Variants in C6orf89 observed in about 807,000 individuals in gnomAD.
C6orf89 encodes the protein bombesin receptor-activated protein C6orf89.
Under a neutral mutation model 40.7 loss-of-function variants are expected in C6orf89, and 29 were observed. The observed-to-expected ratio is 0.71, with a 90% CI of 0.53 to 0.97. C6orf89 has a LOEUF of 0.97. C6orf89 is among the 50% of genes least tolerant of loss of function. The pLI, the probability that C6orf89 is intolerant of heterozygous loss-of-function variation, is 0.00. For missense variants in C6orf89, 392 were observed against 429.1 expected (o/e 0.91, Z 0.76); for synonymous variants, 165 against 152.2 (o/e 1.08, Z -0.62).
intron 1 of C6orf89, among the ~76,000 whole-genome samples, chr6:36,889,166 A>G (rs935305213): frequency 1.3e-5 from 2 of 152,162 alleles, no homozygotes; most frequent in Non-Finnish European, 2.9e-5. Flanking sequence ...TTAAGGTTTG[A>G]GTACACTTGA....
intron 1 of C6orf89, among the ~76,000 whole-genome samples, 167 bp downstream of exon 1, chr6:36,886,195 C>A: frequency 6.6e-6 from 1 of 152,186 alleles, no homozygotes; most frequent in East Asian, 1.9e-4. Flanking sequence ...CTGACAGCAT[C>A]CCCTGGCAGC....
intron 1 of C6orf89, among the ~76,000 whole-genome samples, chr6:36,876,210 C>T (rs753414212): frequency 6.6e-6 from 1 of 152,022 alleles, no homozygotes; most frequent in Non-Finnish European, 1.5e-5. Flanking sequence ...GAGTCATGTG[C>T]CATTCCCAGG....
Position 36,888,909 on chromosome 6 carries a change from A to G in C6orf89, c.-120+2881A>G, listed in dbSNP as rs368885016. On this transcript the variant is annotated intron_variant, in intron 1 of 8. Transcript: ENST00000480824. ...GTGTTTCCATTAAGAAAAGAGGTGC[A>G]GTGGGAGGAATGAGTTGAAGGGGAA... is the stretch of plus-strand genomic sequence containing the variant. 3.7e-4 allele frequency among the ~76,000 whole-genome samples: 57 copies of G among 152,276 alleles called. 1 individual carries two copies. In the South Asian group the frequency reaches 0.012, roughly 31 times the overall value.
intron 6 of C6orf89, 53 bp from the exon 7 acceptor site, chr6:36,916,392 A>T (rs1762322466): frequency 1.9e-6 from 3 of 1,607,154 alleles, no homozygotes; most frequent in African/African-American, 2.7e-5. Context: ...TCTCTTAGTC[A>T]TGGGCTGGCT....
At position 36,899,419 on chromosome 6, in the gene C6orf89, C is replaced by G; in HGVS notation, c.-19-7C>G. The G allele has an allele frequency of 6.2e-7, 1 of 1,613,508 alleles. No homozygotes were observed. The highest frequency in any genetic ancestry group is 8.5e-7 in the Non-Finnish European group (1 of 1,179,496). On this transcript the variant is annotated splice_region_variant and splice_polypyrimidine_tract_variant and intron_variant, in intron 2 of 8. Coordinates refer to ENST00000480824, the MANE Select transcript of C6orf89 (RefSeq NM_001286635.2). ...TTTTACATTTATTTTCTCTCCGTCT[C>G]TCTCAGGGATTTTATATTGGAAGAC...
chr6:36,881,787 T>G (rs13207209), upstream of C6orf89, among the ~76,000 whole-genome samples: 10,792 of 152,068 alleles, frequency 0.071, 399 homozygotes, highest in South Asian at 0.099. Flanking sequence ...AAATGGGACA[T>G]TGGAATAAAA....
At chr6:36,911,077 C>T (rs1047680074) in intron 4 of C6orf89, among the ~76,000 whole-genome samples, 2 of 152,130 alleles carry the variant, frequency 1.3e-5, no homozygotes, top group Non-Finnish European at 2.9e-5. Context: ...TTTGCTATTC[C>T]TACTTTCTTT....
intron 4 of C6orf89, among the ~76,000 whole-genome samples, chr6:36,910,836 C>G (rs1401771750): frequency 6.6e-6 from 1 of 151,952 alleles, no homozygotes; most frequent in East Asian, 1.9e-4. Flanking sequence ...AATGTTTTAT[C>G]TTGTTAAATT....
At chr6:36,915,908 T>C (rs569749198) in intron 6 of C6orf89, among the ~76,000 whole-genome samples, 1 of 152,306 alleles carries the variant, frequency 6.6e-6, no homozygotes, top group South Asian at 2.1e-4. Flanking sequence ...GTTTCCATCT[T>C]AGAACTGTTT....
intron 1 of C6orf89, among the ~76,000 whole-genome samples, chr6:36,886,706 A>G (rs1322957553): frequency 6.6e-6 from 1 of 152,226 alleles, no homozygotes; most frequent in Non-Finnish European, 1.5e-5. Context: ...TCACTTTATA[A>G]TAGAGACTAC....
chr6:36,901,201 C>T (rs1257239077), intron 3 of C6orf89, among the ~76,000 whole-genome samples: 9 of 151,214 alleles, frequency 6.0e-5, no homozygotes, highest in African/African-American at 1.9e-4. Flanking sequence ...AAGCTGGTCT[C>T]GAACTCTTGA....
intron 4 of C6orf89, among the ~76,000 whole-genome samples, chr6:36,903,996 G>T (rs534446693): frequency 5.1e-4 from 77 of 151,780 alleles, no homozygotes; most frequent in African/African-American, 1.8e-3. Flanking sequence ...CTATTAGAAC[G>T]GTTCAAAGTG....
chr6:36,914,802 C>T lies in C6orf89; in HGVS notation c.695+109C>T. ...CCTAGGAGTTGCAGACCAGCCTGGCCAACATGGCAAAACCCCATCTCTACT... is the reference window on the plus strand; with the variant it reads ...CCTAGGAGTTGCAGACCAGCCTGGCTAACATGGCAAAACCCCATCTCTACT... On this transcript the variant is annotated intron_variant, in intron 6 of 8. Coordinates refer to ENST00000480824, the MANE Select transcript of C6orf89 (RefSeq NM_001286635.2). The T allele has an allele frequency of 7.5e-6, 10 of 1,330,022 alleles. No homozygotes were observed. The South Asian group carries it at 1.3e-4, about 17-fold the overall frequency. 82.4% of individuals were successfully genotyped at this position (1,330,022 alleles called of 1,614,324 possible).
chr6:36,905,498 A>T (rs953078920), intron 4 of C6orf89, among the ~76,000 whole-genome samples: 1 of 151,922 alleles, frequency 6.6e-6, no homozygotes. Context: ...CAAGCTTCTG[A>T]CCCTTTAGAA....
At chr6:36,919,733 G>A in intron 8 of C6orf89, 32 bp downstream of exon 8, 1 of 1,548,194 alleles carries the variant, frequency 6.5e-7, no homozygotes, top group Non-Finnish European at 8.8e-7. Context: ...CAGGGTCAAT[G>A]GATCTTTTTA....
At chr6:36,875,406 GAA>G (rs1774625560) in intron 1 of C6orf89, among the ~76,000 whole-genome samples, 1 of 152,246 alleles carries the variant, frequency 6.6e-6, no homozygotes, top group South Asian at 2.1e-4. Flanking sequence ...AGTCTGAGGA[GAA>G]AAGAGAGGGA....
At position 36,925,242 on chromosome 6, in the gene C6orf89, A is replaced by C. The variant is rs575162417; in HGVS notation, c.*1801A>C. The C allele has an allele frequency of 6.6e-6, 1 of 152,210 alleles. No homozygotes were observed. Among genetic ancestry groups the C allele is most frequent in the Admixed American group, 6.5e-5 (1 of 15,286 alleles). 9.4% of individuals were successfully genotyped at this position (152,210 alleles called of 1,614,324 possible). A position where few individuals can be genotyped will look rare whatever the true frequency, so the allele number is the denominator to read the frequency against. On this transcript the variant is annotated 3_prime_UTR_variant, in exon 9 of 9. Coordinates refer to ENST00000480824, the MANE Select transcript of C6orf89 (RefSeq NM_001286635.2). ...TGCAGTGTCCTTACCCTGGCTGTACATGGGGAAGGGCTATGTGTAAACAAG... is the reference window on the plus strand; with the variant it reads ...TGCAGTGTCCTTACCCTGGCTGTACCTGGGGAAGGGCTATGTGTAAACAAG...
chr6:36,883,028 C>T (rs929982212), upstream of C6orf89, among the ~76,000 whole-genome samples: 2 of 152,150 alleles, frequency 1.3e-5, no homozygotes, highest in Non-Finnish European at 2.9e-5. Flanking sequence ...CGTGAGCCAC[C>T]GCGCCCGGCC....
Position 36,899,525 on chromosome 6 carries a change from G to T in C6orf89, c.81G>T (p.Gln27His), listed in dbSNP as rs1254339241. Residue 27 changes from glutamine (Q) to histidine (H), a missense_variant, in exon 3 of 9, where the codon CAG becomes CAT. Transcript: ENST00000480824. ...TVDLVRQTGH[Q>H]CGMSEKAIEK... ...ATTTGGTGAGACAGACCGGCCATCA[G>T]TGTGGCATGTCAGAGAAGGCAATTG... The T allele has an allele frequency of 1.2e-6, 2 of 1,614,106 alleles. No homozygotes were observed. Among genetic ancestry groups the T allele is most frequent in the South Asian group, 2.2e-5 (2 of 91,072 alleles).
Sources: gnomAD v4.1 joint callset for allele counts (sites outside exome capture counted in the v4.1 genomes callset) on GRCh38, gnomAD v4.1.1 for gene constraint, MANE v1.5 for transcripts, NCBI Gene and HGNC (gene_info 2026-07-23, HGNC 2026-07-21) for gene names.